SPATA6L: variants seen among roughly 807,000 people sequenced by gnomAD.
The protein encoded by SPATA6L is spermatogenesis associated 6 like, also known as spermatogenesis associated 6-like protein.
Under a neutral mutation model 49.2 loss-of-function variants are expected in SPATA6L, and 68 were observed. The ratio of observed to expected loss-of-function variants is 1.38; its 90% CI spans 1.14 to 1.69. The LOEUF (loss-of-function observed/expected upper bound fraction) is 1.69. SPATA6L is among the 40% of genes most tolerant of loss of function. The pLI is 0.00. For missense variants in SPATA6L, 668 were observed against 464.3 expected (o/e 1.44, Z -4.03); for synonymous variants, 198 against 165.7 (o/e 1.19, Z -1.50).
chr9:4,656,111 A>G (rs1838110663), intron 2 of SPATA6L, 22 bp from the exon 3 acceptor site: 1 of 1,603,778 alleles, frequency 6.2e-7, no homozygotes, highest in Non-Finnish European at 8.5e-7. Flanking sequence ...AATGGGGAAA[A>G]TAAATTTTCA....
In SPATA6L at chr9:4,599,054, G is replaced by C. The variant is rs1389067403; in HGVS notation, c.*1757C>G. ...CTTCAGGATAGGGGATAGGACCCAA[G>C]TCTAAACACGAAATTCATTTACGTT... On this transcript the variant is annotated 3_prime_UTR_variant, in exon 12 of 12. Coordinates refer to ENST00000682582, the MANE Select transcript of SPATA6L (RefSeq NM_001353486.2). Among the ~76,000 whole-genome samples, 1 of 152,206 alleles carries C rather than the reference G, an allele frequency of 6.6e-6. No homozygotes were observed. The highest frequency in any genetic ancestry group is 6.5e-5 in the Admixed American group (1 of 15,282).
In SPATA6L at chr9:4,600,525, G is replaced by C. The variant is rs1035194410; in HGVS notation, c.*286C>G. 19 of 151,810 alleles carry C rather than the reference G, an allele frequency of 1.3e-4. No individual in the cohort carries two copies. Among genetic ancestry groups the C allele is most frequent in the African/African-American group, 4.6e-4 (19 of 41,232 alleles). The allele number at this position is 151,810 out of a possible 1,614,324, so 9.4% of individuals were successfully genotyped here. ...AGAGAGAGGGGAAGTGTTCAGATAA[G>C]CACCTGCCACCCAACTACAGCGCTT... On this transcript the variant is annotated 3_prime_UTR_variant, in exon 12 of 12. Coordinates refer to ENST00000682582, the MANE Select transcript of SPATA6L (RefSeq NM_001353486.2).
At chr9:4,654,375 C>T (rs1468148566) in intron 3 of SPATA6L, among the ~76,000 whole-genome samples, 3 of 152,162 alleles carry the variant, frequency 2.0e-5, no homozygotes, top group African/African-American at 7.2e-5. Context: ...GAGGAGCAGA[C>T]AGACGGGGGC....
chr9:4,629,769 G>GTATATATATATATA (rs35908661), intron 4 of SPATA6L, among the ~76,000 whole-genome samples: 2,074 of 101,654 alleles, frequency 0.02, 61 homozygotes, highest in African/African-American at 0.055. Flanking sequence ...GTGTGTGTGT[G>GTATATATATATATA]TATATATATA....
At chr9:4,630,135 C>T (rs10974668) in intron 4 of SPATA6L, among the ~76,000 whole-genome samples, 13,866 of 151,780 alleles carry the variant, frequency 0.091, 1,050 homozygotes, top group African/African-American at 0.18. Context: ...GACTAGTGCT[C>T]AGGGTGAGGG....
chr9:4,602,931 G>A (rs941633055), intron 11 of SPATA6L, among the ~76,000 whole-genome samples: 1 of 152,122 alleles, frequency 6.6e-6, no homozygotes, highest in Non-Finnish European at 1.5e-5. Context: ...TTTAATACAT[G>A]TGAAGTATGT....
At position 4,656,441 on chromosome 9, in the gene SPATA6L, A is replaced by AAAGGAAGG. The variant is rs376151295; in HGVS notation, c.178-360_178-353dup. On this transcript the variant is annotated intron_variant, in intron 2 of 11. Transcript: ENST00000682582. ...GAGAAAGAGTGAGACCCTGTGAAAG[A>AAAGGAAGG]AAGGAAGGAAGGAAGGAAGGAAGGA... is the stretch of plus-strand genomic sequence containing the variant. 2.1e-3 allele frequency among the ~76,000 whole-genome samples: 238 copies of AAAGGAAGG among 113,960 alleles called. 2 individuals carry two copies. Among genetic ancestry groups the AAAGGAAGG allele is most frequent in the Admixed American group, 4.4e-3 (48 of 11,016 alleles). The allele number at this position is 113,960 out of a possible 152,430, so 74.8% of individuals were successfully genotyped here. A position where few individuals can be genotyped will look rare whatever the true frequency, so the allele number is the denominator to read the frequency against.
intron 3 of SPATA6L, among the ~76,000 whole-genome samples, chr9:4,654,968 C>CG (rs1837781139): frequency 1.3e-5 from 2 of 152,152 alleles, no homozygotes; most frequent in Admixed American, 6.5e-5. Flanking sequence ...TTCCCTGGTC[C>CG]ATATCATTTA....
At chr9:4,629,734 C>G (rs1479973833) in intron 4 of SPATA6L, among the ~76,000 whole-genome samples, 1 of 131,854 alleles carries the variant, frequency 7.6e-6, no homozygotes, top group Non-Finnish European at 1.6e-5. Flanking sequence ...ACCATACTGT[C>G]TAAAATATTG....
chr9:4,589,797 C>T (rs1821788358), intron 13 of SPATA6L, among the ~76,000 whole-genome samples: 1 of 152,174 alleles, frequency 6.6e-6, no homozygotes, highest in Admixed American at 6.5e-5. Flanking sequence ...GAAGCAGGGC[C>T]CCCCGTGGGG....
chr9:4,615,681 T>C (rs1447126969), intron 9 of SPATA6L, among the ~76,000 whole-genome samples: 6 of 152,218 alleles, frequency 3.9e-5, no homozygotes, highest in Non-Finnish European at 5.9e-5. Context: ...ACAATCTATC[T>C]CATATTCAGT....
rs1466408740 is a variant in SPATA6L at position 4,627,760 on chromosome 9, G to A, written c.429+1331C>T. The A allele has an allele frequency of 3.6e-5, 47 of 1,289,166 alleles. No homozygotes were observed. The South Asian group carries it at 3.9e-4, about 11-fold the overall frequency. 79.9% of individuals were successfully genotyped at this position (1,289,166 alleles called of 1,614,324 possible). On this transcript the variant is annotated intron_variant, in intron 5 of 11. Transcript: ENST00000682582. Reference sequence around the variant, plus strand: ...AAGACGCTTCACGCTTACCAAAGACGGACCATGAATACAATCCGAGCATCA... The same window carrying A: ...AAGACGCTTCACGCTTACCAAAGACAGACCATGAATACAATCCGAGCATCA...
At chr9:4,601,196 C>A (rs918214699) in intron 11 of SPATA6L, among the ~76,000 whole-genome samples, 9 of 152,010 alleles carry the variant, frequency 5.9e-5, no homozygotes, top group Non-Finnish European at 1.2e-4. Context: ...CCCTTCCCTC[C>A]TTCCTCCCTT....
intron 3 of SPATA6L, among the ~76,000 whole-genome samples, chr9:4,637,435 C>G (rs1157695914): frequency 6.6e-6 from 1 of 152,148 alleles, no homozygotes; most frequent in Non-Finnish European, 1.5e-5. Context: ...TATTTTTGTT[C>G]ATGTATTTAT....
At chr9:4,631,108 C>T (rs1207404138) in intron 4 of SPATA6L, among the ~76,000 whole-genome samples, 1 of 152,218 alleles carries the variant, frequency 6.6e-6, no homozygotes, top group Non-Finnish European at 1.5e-5. Flanking sequence ...ATGACCTCCA[C>T]TCCTTGCAAT....
chr9:4,595,651 C>T (rs757173657), downstream of SPATA6L, among the ~76,000 whole-genome samples: 4 of 152,178 alleles, frequency 2.6e-5, no homozygotes, highest in Non-Finnish European at 5.9e-5. Context: ...ACCTGGTCTG[C>T]CTATTTTTTA....
intron 1 of SPATA6L, chr9:4,664,104 G>A (rs1376754477): frequency 2.4e-5 from 4 of 167,076 alleles, no homozygotes; most frequent in Non-Finnish European, 5.9e-5. Context: ...TGTTTACAAC[G>A]TAACATGGCA....
chr9:4,635,467 C>T (rs1348331662), intron 3 of SPATA6L, 68 bp from the exon 4 acceptor site: 9 of 1,484,774 alleles, frequency 6.1e-6, no homozygotes, highest in Non-Finnish European at 8.0e-6. Flanking sequence ...AATAAAAGTT[C>T]AGGCAGATGA....
intron 4 of SPATA6L, among the ~76,000 whole-genome samples, chr9:4,630,823 AAC>A (rs1389268949): frequency 2.0e-5 from 3 of 152,344 alleles, no homozygotes; most frequent in Middle Eastern, 6.8e-3. Flanking sequence ...TACCTCATCT[AAC>A]ACTCACAATA....
Sources: allele counts gnomAD v4.1 joint callset (sites outside exome capture counted in the v4.1 genomes callset), GRCh38; gene constraint gnomAD v4.1.1; transcripts MANE v1.5; gene names NCBI Gene and HGNC (gene_info 2026-07-23, HGNC 2026-07-21).